Variants in PLEKHM3 observed in about 807,000 individuals in gnomAD.
PLEKHM3 encodes the protein pleckstrin homology domain containing M3.
A neutral mutation model predicts 81.8 loss-of-function variants in PLEKHM3; 45 were observed. The observed-to-expected ratio is 0.55, with a 90% CI of 0.43 to 0.71. The LOEUF is 0.71. Ranked by LOEUF, PLEKHM3 falls within the 30% of genes least tolerant of loss-of-function variation. The probability of loss-of-function intolerance (pLI) is 0.00; values close to 1 mark genes in which losing one functional copy is unlikely to be tolerated. For missense variants in PLEKHM3, 788 were observed against 924.3 expected (o/e 0.85, Z 1.91); for synonymous variants, 352 against 356.4 (o/e 0.99, Z 0.14).
intron 2 of PLEKHM3, among the ~76,000 whole-genome samples, chr2:207,983,194 GGCACCAGCCACCAC>G (rs1691599934): frequency 6.6e-6 from 1 of 152,022 alleles, no homozygotes; most frequent in Non-Finnish European, 1.5e-5. Flanking sequence ...TGGGACTACA[GGCACCAGCCACCAC>G]GCCCAGCTAA....
At chr2:207,844,876 G>A (rs1425425583) in intron 7 of PLEKHM3, among the ~76,000 whole-genome samples, 1 of 152,200 alleles carries the variant, frequency 6.6e-6, no homozygotes, top group African/African-American at 2.4e-5. Flanking sequence ...AGTAGCTCCA[G>A]GTGTGGTTTG....
intron 3 of PLEKHM3, among the ~76,000 whole-genome samples, chr2:207,966,057 C>T (rs565921637): frequency 2.0e-5 from 3 of 152,314 alleles, no homozygotes; most frequent in African/African-American, 7.2e-5. Flanking sequence ...AGTCTAAGAC[C>T]TTTGAGTTCA....
At chr2:207,881,361 T>C (rs1380625790) in intron 6 of PLEKHM3, among the ~76,000 whole-genome samples, 1 of 152,232 alleles carries the variant, frequency 6.6e-6, no homozygotes, top group Non-Finnish European at 1.5e-5. Flanking sequence ...AATGTTAACC[T>C]TGGTGCCATC....
At chr2:207,884,989 T>G (rs1687840147) in intron 6 of PLEKHM3, among the ~76,000 whole-genome samples, 1 of 152,156 alleles carries the variant, frequency 6.6e-6, no homozygotes. Flanking sequence ...GTTCGTTGGG[T>G]AGACGAAGCT....
chr2:207,865,860 C>T lies in PLEKHM3; in HGVS notation c.1951-4598G>A, dbSNP rs1285966131. ...TATACTTTCTGTCTTTATAGATTTG[C>T]CTATTCTGGAGCTTTCATGTAAATA... On this transcript the variant is annotated intron_variant, in intron 6 of 7. Coordinates refer to ENST00000427836, the MANE Select transcript of PLEKHM3 (RefSeq NM_001080475.3). 2.8e-5 allele frequency among the ~76,000 whole-genome samples: 3 copies of T among 107,676 alleles called. No homozygotes were observed. The South Asian group carries it at 1.0e-3, about 36-fold the overall frequency. 70.6% of individuals were successfully genotyped at this position (107,676 alleles called of 152,430 possible). A position where few individuals can be genotyped will look rare whatever the true frequency, so the allele number is the denominator to read the frequency against.
chr2:207,980,189 G>A (rs1691472669), intron 2 of PLEKHM3, among the ~76,000 whole-genome samples: 1 of 152,120 alleles, frequency 6.6e-6, no homozygotes, highest in Non-Finnish European at 1.5e-5. Flanking sequence ...TTTTAGCTAG[G>A]AATTTTCCTC....
rs1037041552 is a variant in PLEKHM3 at position 207,827,759 on chromosome 2, A to C, written c.*560T>G. The C allele has an allele frequency of 6.6e-6, 1 of 152,206 alleles. No individual in the cohort carries two copies. Among genetic ancestry groups the C allele is most frequent in the Admixed American group, 6.5e-5 (1 of 15,278 alleles). The allele number at this position is 152,206 out of a possible 1,614,324, so 9.4% of individuals were successfully genotyped here. ...TCTGCTTACGTGATTCCCCGCCTCC[A>C]CAGGAGGAACTGAGGCGGGAGCGCC... On this transcript the variant is annotated 3_prime_UTR_variant, in exon 8 of 8. Transcript: ENST00000427836.
intron 1 of PLEKHM3, among the ~76,000 whole-genome samples, chr2:208,020,588 G>C (rs1490194198): frequency 6.6e-6 from 1 of 152,070 alleles, no homozygotes; most frequent in Non-Finnish European, 1.5e-5. Flanking sequence ...TTTTTATCAC[G>C]CTCTCACTCA....
At chr2:208,025,186 G>A (rs1693287930) in intron 1 of PLEKHM3, among the ~76,000 whole-genome samples, 1 of 152,132 alleles carries the variant, frequency 6.6e-6, no homozygotes, top group South Asian at 2.1e-4. Flanking sequence ...AAAATAAGCA[G>A]ACAATGCATC....
intron 1 of PLEKHM3, among the ~76,000 whole-genome samples, chr2:208,015,929 C>T (rs766989639): frequency 1.3e-5 from 2 of 152,236 alleles, no homozygotes; most frequent in African/African-American, 2.4e-5. Flanking sequence ...CACGGTGGCT[C>T]ATGCCCGTAA....
intron 6 of PLEKHM3, among the ~76,000 whole-genome samples, chr2:207,888,496 A>C (rs377266119): frequency 6.6e-6 from 1 of 152,156 alleles, no homozygotes; most frequent in East Asian, 1.9e-4. Context: ...TCCTGGGTTC[A>C]AGTGATTCTC....
intron 3 of PLEKHM3, among the ~76,000 whole-genome samples, chr2:207,950,758 T>C (rs1690302538): frequency 6.6e-6 from 1 of 152,190 alleles, no homozygotes; most frequent in Admixed American, 6.5e-5. Context: ...GTTTACCCTC[T>C]AGGCTTCAAA....
At chr2:207,830,442 C>T (rs1216442935) in intron 7 of PLEKHM3, among the ~76,000 whole-genome samples, 5 of 151,700 alleles carry the variant, frequency 3.3e-5, no homozygotes, top group African/African-American at 4.8e-5. Flanking sequence ...GGTGAAACCC[C>T]GACTCTACTG....
chr2:207,958,875 A>T lies in PLEKHM3; in HGVS notation c.1547-12363T>A, dbSNP rs527422684. On this transcript the variant is annotated intron_variant, in intron 3 of 7. Coordinates refer to ENST00000427836, the MANE Select transcript of PLEKHM3 (RefSeq NM_001080475.3). ...CAGTGAGCTGAGATTGCACCACTGC[A>T]CTTCAGCCTGGGCAACAGAGTGAGT... Among the ~76,000 whole-genome samples the T allele has an allele frequency of 2.6e-5, 4 of 152,264 alleles. 1 individual carries two copies. The highest frequency in any genetic ancestry group is 9.6e-5 in the African/African-American group (4 of 41,554).
intron 5 of PLEKHM3, among the ~76,000 whole-genome samples, chr2:207,928,966 A>G (rs1689496478): frequency 6.6e-6 from 1 of 152,224 alleles, no homozygotes; most frequent in South Asian, 2.1e-4. Flanking sequence ...GGTAAGAAAA[A>G]GAAGACTCTG....
At chr2:207,862,296 G>T (rs2092471489) in intron 6 of PLEKHM3, among the ~76,000 whole-genome samples, 1 of 152,178 alleles carries the variant, frequency 6.6e-6, no homozygotes, top group Non-Finnish European at 1.5e-5. Context: ...GCTGAAAATA[G>T]TTTCTTTCAA....
chr2:207,855,024 A>G (rs577980899), intron 7 of PLEKHM3, among the ~76,000 whole-genome samples: 6 of 152,322 alleles, frequency 3.9e-5, no homozygotes, highest in African/African-American at 1.4e-4. Flanking sequence ...TCAAGGCACA[A>G]GTCCAGGAAC....
chr2:207,972,364 G>A (rs988334316), intron 3 of PLEKHM3, among the ~76,000 whole-genome samples: 3 of 151,774 alleles, frequency 2.0e-5, no homozygotes, highest in Non-Finnish European at 2.9e-5. Flanking sequence ...GGGGGGCGGT[G>A]GATCATGAGG....
At chr2:207,863,267 C>T (rs2092477434) in intron 6 of PLEKHM3, among the ~76,000 whole-genome samples, 1 of 152,178 alleles carries the variant, frequency 6.6e-6, no homozygotes, top group Non-Finnish European at 1.5e-5. Context: ...GAAGCAGCCC[C>T]CCAGTGCCTA....
Sources: gnomAD v4.1 joint callset for allele counts (sites outside exome capture counted in the v4.1 genomes callset) on GRCh38, gnomAD v4.1.1 for gene constraint, MANE v1.5 for transcripts, NCBI Gene and HGNC (gene_info 2026-07-23, HGNC 2026-07-21) for gene names.